CIAO3: variants seen among roughly 807,000 people sequenced by gnomAD.
CIAO3 encodes the protein cytosolic iron-sulfur assembly component 3.
A neutral mutation model predicts 51.5 loss-of-function variants in CIAO3; 45 were observed. The observed-to-expected ratio is 0.87, with a 90% CI of 0.69 to 1.12. The LOEUF is 1.12. Among genes scored for constraint, CIAO3 ranks in the 50% most tolerant of loss-of-function variants. CIAO3 has a pLI of 0.00. For missense variants in CIAO3, 668 were observed against 632.5 expected, an observed-to-expected ratio of 1.06 and a Z score of -0.60; for synonymous variants, 314 against 269.3, an observed-to-expected ratio of 1.17 and a Z score of -1.63.
intron 9 of CIAO3, 46 bp from the exon 10 acceptor site, chr16:731,046 C>T (rs1330219223): frequency 1.2e-6 from 2 of 1,603,920 alleles, no homozygotes; most frequent in Non-Finnish European, 1.7e-6. Context: ...ACCCACCAGG[C>T]TCCTGCCTGC....
At chr16:730,776 G>A in intron 10 of CIAO3, 67 bp downstream of exon 10, 1 of 1,591,182 alleles carries the variant, frequency 6.3e-7, no homozygotes, top group Non-Finnish European at 8.6e-7. Context: ...CTCCCAGCCT[G>A]GTGGATGGTG....
rs751665967 is a variant in CIAO3 at position 730,576 on chromosome 16, G to A, written c.1272C>T (p.Tyr424=). The change falls in exon 11 of 11, where the codon TAC becomes TAT. Residue 424 remains tyrosine (Y), a synonymous_variant. Coordinates refer to ENST00000251588, the MANE Select transcript of CIAO3 (RefSeq NM_022493.3). ...CGGGCGCCTCAGCCCGGACCATGCC[G>A]TACAGTCTCTCCACGTGCTGGAGGA... ...RELLQHVERL[Y]GMVRAEAPED... The A allele has an allele frequency of 2.2e-5, 35 of 1,610,828 alleles. No individual in the cohort carries two copies. The East Asian group carries it at 2.7e-4, about 12-fold the overall frequency.
chr16:733,837 G>A (rs766757766), intron 6 of CIAO3: 5 of 360,174 alleles, frequency 1.4e-5, no homozygotes, highest in Non-Finnish European at 2.6e-5. Context: ...AGGCACCACC[G>A]GGGCCGCCCT....
At position 739,750 on chromosome 16, in the gene CIAO3, A is replaced by G. The variant is rs2151604895; in HGVS notation, c.67-12T>C. 1 of 1,612,904 alleles carries G rather than the reference A, an allele frequency of 6.2e-7. No homozygotes were observed. Among genetic ancestry groups the G allele is most frequent in the African/African-American group, 1.3e-5 (1 of 75,026 alleles). Reference sequence around the variant, plus strand: ...GGCTTGATGCACTCCTAGAGCAGGAAGAGACCCCAAATCAGCCCCTGTGAG... The same window carrying G: ...GGCTTGATGCACTCCTAGAGCAGGAGGAGACCCCAAATCAGCCCCTGTGAG... On this transcript the variant is annotated splice_polypyrimidine_tract_variant and intron_variant, in intron 1 of 10. Coordinates refer to ENST00000251588, the MANE Select transcript of CIAO3 (RefSeq NM_022493.3).
At chr16:733,156 G>C (rs61112891) in intron 7 of CIAO3, 142 bp downstream of exon 7, 259,899 of 1,085,738 alleles carry the variant, frequency 0.24, 41,260 homozygotes, top group East Asian at 0.79. Flanking sequence ...GGGGAGAGAC[G>C]AAGGTACGTG....
chr16:736,108 A>C (rs1353684684), intron 4 of CIAO3, among the ~76,000 whole-genome samples, 158 bp downstream of exon 4: 1 of 152,180 alleles, frequency 6.6e-6, no homozygotes, highest in Non-Finnish European at 1.5e-5. Flanking sequence ...ATGTCAAATC[A>C]AAACTTCAGG....
intron 9 of CIAO3, chr16:731,209 G>C: frequency 1.5e-6 from 1 of 682,864 alleles, no homozygotes; most frequent in Non-Finnish European, 2.4e-6. Flanking sequence ...CTCCAGCCTC[G>C]GGCTGTCTGT....
intron 1 of CIAO3, chr16:740,439 C>T (rs2041379343): frequency 6.4e-6 from 2 of 311,146 alleles, no homozygotes; most frequent in Non-Finnish European, 1.3e-5. Context: ...GGGTCCCCAC[C>T]GCACCCGTTT....
At chr16:731,396 C>T in intron 9 of CIAO3, 169 bp downstream of exon 9, 3 of 984,890 alleles carry the variant, frequency 3.0e-6, no homozygotes, top group African/African-American at 3.3e-5. Context: ...GCCTTCACAC[C>T]CTGAGCCCGC....
rs1446878560 is a variant in CIAO3, at chr16:737,082, C to T, written c.306+104G>A. On this transcript the variant is annotated intron_variant, in intron 3 of 10. Coordinates refer to ENST00000251588, the MANE Select transcript of CIAO3 (RefSeq NM_022493.3). This position sits in a 1 kb window ranked among gnomAD's most constrained non-coding sequence, Gnocchi z 5.3. The stretch of plus-strand genomic sequence containing the variant: ...CTCAAAAAGGCAGGCGCCACCCGCA[C>T]GACGGACGTCGGCACCACACGAGCT... The T allele has an allele frequency of 1.9e-5, 29 of 1,499,072 alleles. No individual in the cohort carries two copies. The highest frequency in any genetic ancestry group is 4.1e-5 in the African/African-American group (3 of 72,586). The allele number at this position is 1,499,072 out of a possible 1,614,324, so 92.9% of individuals were successfully genotyped here. A position where few individuals can be genotyped will look rare whatever the true frequency, so the allele number is the denominator to read the frequency against.
chr16:733,163 C>T (rs1036996917), intron 7 of CIAO3, 135 bp downstream of exon 7: 22 of 1,141,264 alleles, frequency 1.9e-5, no homozygotes, highest in African/African-American at 7.8e-5. Context: ...GACGAAGGTA[C>T]GTGCACGCAT....
At chr16:732,268 A>G (rs2041291111) in intron 8 of CIAO3, 33 bp downstream of exon 8, 2 of 1,582,622 alleles carry the variant, frequency 1.3e-6, no homozygotes, top group African/African-American at 2.7e-5. Flanking sequence ...GTTAGAAGCT[A>G]AAATAACAGT....
intron 2 of CIAO3, chr16:739,384 A>C: frequency 3.7e-6 from 2 of 543,822 alleles, no homozygotes; most frequent in South Asian, 4.1e-5. Flanking sequence ...GAACAGGCAG[A>C]CGCAGACAGG....
intron 2 of CIAO3, chr16:738,203 C>G (rs2041358024): frequency 1.0e-6 from 1 of 993,972 alleles, no homozygotes; most frequent in African/African-American, 1.7e-5. Flanking sequence ...CGCCTACCAG[C>G]ACCCCAGCAC....
chr16:732,316 G>A lies in CIAO3; in HGVS notation c.881C>T (p.Ala294Val), dbSNP rs751813897. 6 of 1,612,742 alleles carry A rather than the reference G, an allele frequency of 3.7e-6. No homozygotes were observed. The highest frequency in any genetic ancestry group is 1.1e-5 in the South Asian group (1 of 91,072). Residue 294 changes from alanine (A) to valine (V), a missense_variant, in exon 8 of 11, where the codon GCC becomes GTC. Transcript: ENST00000251588. The part of the protein sequence containing the change: ...EGVSLPDLEP[A>V]PLDSLCSGAS... ...ACATACGTACAGGCTGTCCAGAGGG[G>A]CTGGTTCCAGGTCGGGGAGGGAGAC... is the stretch of plus-strand genomic sequence containing the variant.
chr16:733,157 A>G, intron 7 of CIAO3, 141 bp downstream of exon 7: 5 of 1,093,254 alleles, frequency 4.6e-6, no homozygotes, highest in Non-Finnish European at 6.4e-6. Flanking sequence ...GGGAGAGACG[A>G]AGGTACGTGC....
rs1567344209 is a variant in CIAO3 at position 733,730 on chromosome 16, CG to C, written c.694-304del. On this transcript the variant is annotated intron_variant, in intron 6 of 10. Coordinates refer to ENST00000251588, the MANE Select transcript of CIAO3 (RefSeq NM_022493.3). ...TCTCACTGCACAGCAGCCGGGGAAA[CG>C]GATGTCACGGGGGAACCAACCAGCT... 7.1e-6 allele frequency: 3 copies of C among 422,014 alleles called. No individual in the cohort carries two copies. In the Admixed American group the frequency reaches 1.1e-4, roughly 16 times the overall value. The allele number at this position is 422,014 out of a possible 1,614,324, so 26.1% of individuals were successfully genotyped here.
Position 731,011 on chromosome 16 carries a change from C to T in CIAO3, c.1035-11G>A, listed in dbSNP as rs780439159. 190 of 1,612,246 alleles carry T rather than the reference C, an allele frequency of 1.2e-4. No homozygotes were observed. The highest frequency in any genetic ancestry group is 1.6e-4 in the Non-Finnish European group (185 of 1,179,768). Reference sequence around the variant, plus strand: ...TGGAAGTCTTTGTTCCTGGGGGGCACAGGCGGGGTTTGTCTACATGGCACA... The same window carrying T: ...TGGAAGTCTTTGTTCCTGGGGGGCATAGGCGGGGTTTGTCTACATGGCACA... On this transcript the variant is annotated splice_polypyrimidine_tract_variant and intron_variant, in intron 9 of 10. Transcript: ENST00000251588.
Position 734,936 on chromosome 16 carries a change from G to A in CIAO3, c.440-65C>T, listed in dbSNP as rs929340750. 6.8e-6 allele frequency: 10 copies of A among 1,477,476 alleles called. 1 individual carries two copies. Among genetic ancestry groups the A allele is most frequent in the South Asian group, 4.1e-5 (3 of 73,266 alleles). 91.5% of individuals were successfully genotyped at this position (1,477,476 alleles called of 1,614,324 possible). ...GACGCCCACACGAGCACACGCCGGCGTGTGGACCACCATGGTGCTGCCAGG... is the reference window on the plus strand; with the variant it reads ...GACGCCCACACGAGCACACGCCGGCATGTGGACCACCATGGTGCTGCCAGG... On this transcript the variant is annotated intron_variant, in intron 4 of 10. Transcript: ENST00000251588.
Sources: allele counts gnomAD v4.1 joint callset (sites outside exome capture counted in the v4.1 genomes callset), GRCh38; gene constraint gnomAD v4.1.1; non-coding constraint Gnocchi (gnomAD v3.1); transcripts MANE v1.5; gene names NCBI Gene and HGNC (gene_info 2026-07-23, HGNC 2026-07-21).